Variants in SCAI observed in about 807,000 individuals in gnomAD.
The protein encoded by SCAI is suppressor of cancer cell invasion, also known as protein SCAI.
In SCAI, 24 loss-of-function variants were observed where a neutral mutation model predicts 92.2. That is an observed-to-expected ratio of 0.26 (90% CI 0.19 to 0.37). The LOEUF (loss-of-function observed/expected upper bound fraction) is 0.37. Among genes scored for constraint, SCAI ranks in the 10% least tolerant of loss-of-function variants. The pLI is 1.00. For missense variants in SCAI, 450 were observed against 736.2 expected (o/e 0.61, Z 4.50); for synonymous variants, 261 against 258.6 (o/e 1.01, Z -0.09).
chr9:124,987,949 C>G (rs934720454), intron 14 of SCAI, among the ~76,000 whole-genome samples: 1 of 151,708 alleles, frequency 6.6e-6, no homozygotes, highest in Admixed American at 6.6e-5. Context: ...GGTAACAGAG[C>G]GAGACTTCTT....
At chr9:125,119,840 C>G (rs1564421794) in intron 2 of SCAI, among the ~76,000 whole-genome samples, 1 of 152,156 alleles carries the variant, frequency 6.6e-6, no homozygotes, top group Non-Finnish European at 1.5e-5. Context: ...GGCTGGCAAG[C>G]TGATCCCAGA....
chr9:125,050,946 A>T (rs1277544979), intron 3 of SCAI, among the ~76,000 whole-genome samples: 2 of 152,186 alleles, frequency 1.3e-5, no homozygotes, highest in East Asian at 3.8e-4. Flanking sequence ...TCTCAAACAA[A>T]AATCCAAAAG....
chr9:125,036,657 G>C (rs1282624731), intron 3 of SCAI, among the ~76,000 whole-genome samples: 1 of 152,052 alleles, frequency 6.6e-6, no homozygotes, highest in Non-Finnish European at 1.5e-5. Context: ...TATATACATA[G>C]TATAAAATTC....
At chr9:125,021,609 A>G (rs1465667543) in intron 6 of SCAI, among the ~76,000 whole-genome samples, 2 of 152,112 alleles carry the variant, frequency 1.3e-5, no homozygotes, top group Non-Finnish European at 2.9e-5. Context: ...ATCAATTCAA[A>G]CCTGACATTT....
At chr9:125,138,473 G>A (rs1835590548) in intron 2 of SCAI, among the ~76,000 whole-genome samples, 1 of 151,794 alleles carries the variant, frequency 6.6e-6, no homozygotes, top group Admixed American at 6.6e-5. Flanking sequence ...GGAGTGCAGT[G>A]GTATGAGCTC....
chr9:125,092,320 T>A (rs112254975), intron 2 of SCAI, among the ~76,000 whole-genome samples: 3,515 of 149,148 alleles, frequency 0.024, 145 homozygotes, highest in African/African-American at 0.083. Context: ...TAAATAAATA[T>A]TAGCCAGGCA....
At chr9:125,092,131 TAAAAAAAAAAAAAAAAAAAAAA>T (rs71374225) in intron 2 of SCAI, among the ~76,000 whole-genome samples, 3 of 61,144 alleles carry the variant, frequency 4.9e-5, no homozygotes, top group Non-Finnish European at 9.5e-5. Context: ...CTCCGTCTCT[TAAAAAAAAAAAAAAAAAAAAAA>T]AAAAAAAAAA....
chr9:125,093,873 G>GT (rs927263012), intron 2 of SCAI, among the ~76,000 whole-genome samples: 11 of 151,510 alleles, frequency 7.3e-5, no homozygotes, highest in Non-Finnish European at 1.2e-4. Flanking sequence ...CGACACCTAC[G>GT]TTTTTTTAAT....
At chr9:125,104,323 C>T (rs1834733152) in intron 2 of SCAI, among the ~76,000 whole-genome samples, 3 of 152,090 alleles carry the variant, frequency 2.0e-5, no homozygotes, top group Admixed American at 2.0e-4. Flanking sequence ...CACGGAGGTA[C>T]CTAGTTTTTA....
intron 2 of SCAI, among the ~76,000 whole-genome samples, chr9:125,121,895 T>C (rs181529510): frequency 9.0e-4 from 137 of 152,228 alleles, no homozygotes; most frequent in Non-Finnish European, 1.4e-3. Context: ...AAAAATGCTA[T>C]GAACATCTAT....
chr9:124,976,066 A>G (rs1215809681), intron 15 of SCAI, 48 bp downstream of exon 15: 2 of 1,120,624 alleles, frequency 1.8e-6, no homozygotes, highest in Non-Finnish European at 2.7e-6. Context: ...TAATATAGAT[A>G]GTGTTTATTT....
intron 2 of SCAI, among the ~76,000 whole-genome samples, chr9:125,094,625 C>T (rs1192701017): frequency 6.6e-6 from 1 of 152,154 alleles, no homozygotes; most frequent in East Asian, 1.9e-4. Context: ...CCTCAGCTCC[C>T]CAAGTAGCTG....
chr9:125,023,083 T>C (rs1832902726), intron 6 of SCAI, among the ~76,000 whole-genome samples: 1 of 152,234 alleles, frequency 6.6e-6, no homozygotes, highest in Non-Finnish European at 1.5e-5. Context: ...GTTATCTAGA[T>C]TTGGCTCCAT....
rs545399040 is a variant in SCAI, at chr9:124,943,208, A to G, written c.*9599T>C. On this transcript the variant is annotated 3_prime_UTR_variant, in exon 18 of 18. Coordinates refer to ENST00000336505, the MANE Select transcript of SCAI (RefSeq NM_001144877.3). Reference sequence around the variant, plus strand: ...AATGTTCAAGTCAAATGATAGTGACAGTATAATTTTCCCCTTAGTCATTGG... The same window carrying G: ...AATGTTCAAGTCAAATGATAGTGACGGTATAATTTTCCCCTTAGTCATTGG... 3.3e-5 allele frequency: 5 copies of G among 152,372 alleles called. No homozygotes were observed. Among genetic ancestry groups the G allele is most frequent in the South Asian group, 4.1e-4 (2 of 4,832 alleles). 9.4% of individuals were successfully genotyped at this position (152,372 alleles called of 1,614,324 possible). A position where few individuals can be genotyped will look rare whatever the true frequency, so the allele number is the denominator to read the frequency against.
At chr9:125,026,754 C>T (rs182670499) in intron 6 of SCAI, 58 bp downstream of exon 6, 26 of 883,982 alleles carry the variant, frequency 2.9e-5, no homozygotes, top group East Asian at 5.0e-5. Flanking sequence ...ACAATTTCTA[C>T]GAAGATTAAG....
chr9:125,104,956 T>C (rs1159502763), intron 2 of SCAI, among the ~76,000 whole-genome samples: 3 of 132,970 alleles, frequency 2.3e-5, no homozygotes. Flanking sequence ...AGACCCTGTC[T>C]CAAAAAAAAA....
At chr9:125,131,744 C>A (rs1835404816) in intron 2 of SCAI, among the ~76,000 whole-genome samples, 2 of 152,188 alleles carry the variant, frequency 1.3e-5, no homozygotes, top group African/African-American at 4.8e-5. Context: ...AATGGCTTTA[C>A]CAAAACCACT....
chr9:125,099,552 G>A (rs767085223), intron 2 of SCAI, among the ~76,000 whole-genome samples: 9 of 152,152 alleles, frequency 5.9e-5, no homozygotes, highest in Non-Finnish European at 1.0e-4. Flanking sequence ...AAAGTGCTAG[G>A]ATTACAGACG....
At chr9:125,138,234 G>A (rs1430380628) in intron 2 of SCAI, among the ~76,000 whole-genome samples, 1 of 148,926 alleles carries the variant, frequency 6.7e-6, no homozygotes, top group Non-Finnish European at 1.5e-5. Context: ...CCTTGGGGAA[G>A]TCGAACTATT....
Sources: gnomAD v4.1 joint callset for allele counts (sites outside exome capture counted in the v4.1 genomes callset) on GRCh38, gnomAD v4.1.1 for gene constraint, MANE v1.5 for transcripts, NCBI Gene and HGNC (gene_info 2026-07-23, HGNC 2026-07-21) for gene names.